MAGI2: variants seen among roughly 807,000 people sequenced by gnomAD.
MAGI2 encodes the protein membrane associated guanylate kinase, WW and PDZ domain containing 2, also known as membrane-associated guanylate kinase, WW and PDZ domain-containing protein 2.
MAGI2 carries 35 observed loss-of-function variants against 133.3 expected under a neutral mutation model. That is an observed-to-expected ratio of 0.26 (90% CI 0.20 to 0.35). The LOEUF (loss-of-function observed/expected upper bound fraction) is 0.35, where lower values mean the gene tolerates loss of function less well. MAGI2 is among the 10% of genes least tolerant of loss of function. The probability of loss-of-function intolerance (pLI) is 1.00; values close to 1 mark genes in which losing one functional copy is unlikely to be tolerated. For synonymous variants in MAGI2, 729 were observed against 710.6 expected, an observed-to-expected ratio of 1.03 and a Z score of -0.41; for missense variants, 1,636 against 1,863.4, an observed-to-expected ratio of 0.88 and a Z score of 2.25.
chr7:78,917,707 G>T (rs1224922258), intron 2 of MAGI2, among the ~76,000 whole-genome samples: 2 of 152,106 alleles, frequency 1.3e-5, no homozygotes, highest in Non-Finnish European at 2.9e-5. Context: ...CAAGTCATGG[G>T]CCACTTACAT....
chr7:78,805,706 C>T (rs563989109), intron 2 of MAGI2, among the ~76,000 whole-genome samples: 26 of 152,252 alleles, frequency 1.7e-4, no homozygotes, highest in African/African-American at 6.0e-4. Context: ...TCAGATCATT[C>T]ACTCTGGGAA....
At chr7:79,221,114 T>C (rs1288775142) in intron 1 of MAGI2, among the ~76,000 whole-genome samples, 4 of 152,032 alleles carry the variant, frequency 2.6e-5, no homozygotes, top group African/African-American at 9.7e-5. Context: ...TCTACTTACC[T>C]GTCTAAGCAT....
chr7:78,632,452 C>T (rs1809120499), intron 2 of MAGI2, among the ~76,000 whole-genome samples: 2 of 152,078 alleles, frequency 1.3e-5, no homozygotes, highest in Admixed American at 1.3e-4. Context: ...CTGTACACTA[C>T]CCAGGTGAGT....
chr7:78,763,694 C>G (rs1485035305), intron 2 of MAGI2, among the ~76,000 whole-genome samples: 1 of 151,354 alleles, frequency 6.6e-6, no homozygotes, highest in Non-Finnish European at 1.5e-5. Context: ...CCTAAAGAGT[C>G]CAATTATCTC....
chr7:78,235,451 G>A (rs1790429752), intron 10 of MAGI2, among the ~76,000 whole-genome samples: 1 of 152,170 alleles, frequency 6.6e-6, no homozygotes, highest in Non-Finnish European at 1.5e-5. Flanking sequence ...CGTGTCGTGG[G>A]AGGAACCCAG....
At chr7:79,013,633 CAT>C (rs774749887) in intron 1 of MAGI2, among the ~76,000 whole-genome samples, 19 of 152,262 alleles carry the variant, frequency 1.2e-4, no homozygotes, top group Non-Finnish European at 1.9e-4. Context: ...AGGTGACAGA[CAT>C]ATCTAATCTA....
chr7:78,143,205 G>A (rs749174165), intron 16 of MAGI2, among the ~76,000 whole-genome samples: 1 of 152,130 alleles, frequency 6.6e-6, no homozygotes, highest in Admixed American at 6.5e-5. Context: ...TAACCAAACA[G>A]CAAGCCGATT....
intron 1 of MAGI2, among the ~76,000 whole-genome samples, chr7:79,378,970 AT>A (rs71095401): frequency 9.8e-6 from 1 of 101,748 alleles, no homozygotes; most frequent in African/African-American, 3.7e-5. Flanking sequence ...ATATATATAT[AT>A]TAAACTTTAA....
chr7:78,515,031 T>C lies in MAGI2; in HGVS notation c.754+6399A>G, dbSNP rs146444392. Among the ~76,000 whole-genome samples the C allele has an allele frequency of 1.7e-3, 264 of 152,326 alleles. 1 individual carries two copies. The highest frequency in any genetic ancestry group is 6.1e-3 in the African/African-American group (253 of 41,574). ...GTGTGTGTCTGTATTAACAGAGAGA[T>C]TTAAATGCTTTTAAAATATATGCGC... On this transcript the variant is annotated intron_variant, in intron 4 of 21. Coordinates refer to ENST00000354212, the MANE Select transcript of MAGI2 (RefSeq NM_012301.4).
chr7:79,259,223 T>G (rs368466558), intron 1 of MAGI2, among the ~76,000 whole-genome samples: 16 of 152,300 alleles, frequency 1.1e-4, no homozygotes, highest in African/African-American at 3.4e-4. Flanking sequence ...TCCCTTAGAG[T>G]AAAAATAGTA....
intron 2 of MAGI2, among the ~76,000 whole-genome samples, chr7:78,906,829 C>A (rs936484598): frequency 1.3e-5 from 2 of 152,056 alleles, no homozygotes; most frequent in Admixed American, 1.3e-4. Context: ...TATGTGTATG[C>A]ACACATATAT....
At chr7:78,307,637 ATAAT>A (rs892636475) in intron 9 of MAGI2, among the ~76,000 whole-genome samples, 5 of 152,192 alleles carry the variant, frequency 3.3e-5, no homozygotes, top group African/African-American at 9.6e-5. Context: ...TTAGGCAGCA[ATAAT>A]TAGAGAGAAA....
chr7:79,009,176 G>C (rs920708951), intron 1 of MAGI2: 1 of 151,994 alleles, frequency 6.6e-6, no homozygotes, highest in Non-Finnish European at 1.5e-5. Context: ...ACATTTTGTA[G>C]TTCAGGATGA....
chr7:78,298,395 G>T (rs1434724911), intron 9 of MAGI2, among the ~76,000 whole-genome samples: 2 of 152,332 alleles, frequency 1.3e-5, no homozygotes, highest in Non-Finnish European at 2.9e-5. Flanking sequence ...CCACATCATT[G>T]TTGGTTCATT....
chr7:78,446,518 C>T (rs1235535713), intron 6 of MAGI2, among the ~76,000 whole-genome samples: 2 of 151,988 alleles, frequency 1.3e-5, no homozygotes, highest in South Asian at 2.1e-4. Flanking sequence ...ATCTCAACAG[C>T]AAAATGGATA....
In MAGI2 at chr7:78,333,208, G is replaced by A. The variant is rs1398864629; in HGVS notation, c.1408+10570C>T. 2.6e-5 allele frequency among the ~76,000 whole-genome samples: 4 copies of A among 152,284 alleles called. No individual in the cohort carries two copies. The East Asian group carries it at 7.7e-4, about 29-fold the overall frequency. The stretch of plus-strand genomic sequence containing the variant: ...TTATAATTTCTGGATGTGGTACTAT[G>A]ATTCACTATTATTTATTGCTAGCAC... On this transcript the variant is annotated intron_variant, in intron 9 of 21. Transcript: ENST00000354212.
chr7:79,035,170 G>T (rs10485927), intron 1 of MAGI2, among the ~76,000 whole-genome samples: 19,471 of 142,564 alleles, frequency 0.14, 1,991 homozygotes, highest in African/African-American at 0.3. Context: ...TTTTGAATCA[G>T]TGCATTCCCA....
At chr7:78,573,464 GAGC>G (rs1168288007) in intron 3 of MAGI2, among the ~76,000 whole-genome samples, 1 of 126,596 alleles carries the variant, frequency 7.9e-6, no homozygotes, top group Non-Finnish European at 1.6e-5. Context: ...CCAAGTGGCA[GAGC>G]AGCAGCCTGG....
intron 6 of MAGI2, among the ~76,000 whole-genome samples, chr7:78,475,373 G>A (rs186070844): frequency 1.7e-3 from 261 of 152,082 alleles, no homozygotes; most frequent in Non-Finnish European, 3.0e-3. Flanking sequence ...TGTGAGCAGT[G>A]AAAGGTGACA....
Sources: gnomAD v4.1 joint callset for allele counts (sites outside exome capture counted in the v4.1 genomes callset) on GRCh38, gnomAD v4.1.1 for gene constraint, MANE v1.5 for transcripts, NCBI Gene and HGNC (gene_info 2026-07-23, HGNC 2026-07-21) for gene names.